The following SATB2 variants were observed in gnomAD, a reference collection of about 807,000 sequenced individuals.
SATB2 encodes the protein SATB homeobox 2.
SATB2 carries 1 observed loss-of-function variant against 73.4 expected under a neutral mutation model. That is an observed-to-expected ratio of 0.01 (90% CI 0.00 to 0.06). The LOEUF (loss-of-function observed/expected upper bound fraction) is 0.06. SATB2 is among the 10% of genes least tolerant of loss of function. The pLI, the probability that SATB2 is intolerant of heterozygous loss-of-function variation, is 1.00. For synonymous variants in SATB2, 397 were observed against 367.0 expected, an observed-to-expected ratio of 1.08 and a Z score of -0.93; for missense variants, 459 against 945.8, an observed-to-expected ratio of 0.49 and a Z score of 6.75.
At chr2:199,368,852 A>G in intron 5 of SATB2, 145 bp from the exon 6 acceptor site, 2 of 583,914 alleles carry the variant, frequency 3.4e-6, no homozygotes, top group South Asian at 2.1e-5. Context: ...TATTAACATC[A>G]AACACGATTA....
At chr2:199,418,404 A>G (rs1389642287) in intron 3 of SATB2, among the ~76,000 whole-genome samples, 1 of 152,164 alleles carries the variant, frequency 6.6e-6, no homozygotes, top group Non-Finnish European at 1.5e-5. Context: ...TTGCTTATCC[A>G]CTTCTTAGGG....
chr2:199,437,164 T>A (rs560813567), intron 2 of SATB2, among the ~76,000 whole-genome samples: 107 of 152,338 alleles, frequency 7.0e-4, no homozygotes, highest in Non-Finnish European at 1.1e-3. Context: ...CATTTTCAGA[T>A]GATCTAGTAG....
chr2:199,378,904 C>T (rs1380205985), intron 5 of SATB2, among the ~76,000 whole-genome samples: 1 of 152,122 alleles, frequency 6.6e-6, no homozygotes, highest in Non-Finnish European at 1.5e-5. Context: ...TGAATCCAGC[C>T]CTGATTCCAG....
chr2:199,291,769 C>A (rs573396998), intron 10 of SATB2, among the ~76,000 whole-genome samples: 1 of 151,952 alleles, frequency 6.6e-6, no homozygotes, highest in South Asian at 2.1e-4. Context: ...AAAAATTAGC[C>A]AGGCATGGTG....
chr2:199,339,855 C>T (rs1688453014), intron 7 of SATB2, among the ~76,000 whole-genome samples: 1 of 152,216 alleles, frequency 6.6e-6, no homozygotes, highest in African/African-American at 2.4e-5. Context: ...AAAAAACTGA[C>T]TGGTAACACA....
intron 7 of SATB2, among the ~76,000 whole-genome samples, chr2:199,335,869 T>C (rs1688321381): frequency 6.6e-6 from 1 of 152,180 alleles, no homozygotes; most frequent in South Asian, 2.1e-4. Flanking sequence ...GATTTGTTTT[T>C]TGTGGATACA....
chr2:199,328,133 C>A (rs1470151067), intron 8 of SATB2, among the ~76,000 whole-genome samples: 1 of 152,164 alleles, frequency 6.6e-6, no homozygotes, highest in Non-Finnish European at 1.5e-5. Context: ...CCTTCCTACC[C>A]CTCACCTACC....
chr2:199,443,095 C>T lies in SATB2; in HGVS notation c.170-9581G>A, dbSNP rs1691868375. Among the ~76,000 whole-genome samples, 3 of 148,862 alleles carry T rather than the reference C, an allele frequency of 2.0e-5. No homozygotes were observed. In the South Asian group the frequency reaches 6.3e-4, roughly 31 times the overall value. On this transcript the variant is annotated intron_variant, in intron 2 of 10. Coordinates refer to ENST00000417098, the MANE Select transcript of SATB2 (RefSeq NM_001172509.2). ...ATTTAAGCAGAGATCGATTCACCTC[C>T]CCACCTTATTCTCATCATCCTCTCT...
intron 2 of SATB2, among the ~76,000 whole-genome samples, chr2:199,444,178 G>T (rs1319830972): frequency 6.6e-6 from 1 of 151,670 alleles, no homozygotes; most frequent in Non-Finnish European, 1.5e-5. Flanking sequence ...TTTTAAAAAT[G>T]AAAGAGACTA....
At chr2:199,278,728 G>C (rs776196474) in intron 10 of SATB2, among the ~76,000 whole-genome samples, 1 of 152,106 alleles carries the variant, frequency 6.6e-6, no homozygotes, top group Admixed American at 6.6e-5. Flanking sequence ...GATTTTTATC[G>C]GAGTATTACA....
chr2:199,284,056 G>A (rs1178902477), intron 10 of SATB2, among the ~76,000 whole-genome samples: 4 of 152,120 alleles, frequency 2.6e-5, no homozygotes, highest in Non-Finnish European at 5.9e-5. Context: ...ATCACTCCAG[G>A]AAAAATATCT....
intron 7 of SATB2, among the ~76,000 whole-genome samples, chr2:199,336,406 C>A (rs1337398205): frequency 6.6e-6 from 1 of 152,092 alleles, no homozygotes; most frequent in Non-Finnish European, 1.5e-5. Context: ...CAACTGTTGG[C>A]AACCTGCCCC....
At chr2:199,393,928 T>A (rs1315103633) in intron 3 of SATB2, among the ~76,000 whole-genome samples, 3 of 152,188 alleles carry the variant, frequency 2.0e-5, no homozygotes, top group South Asian at 4.1e-4. Context: ...TTAAACTGAA[T>A]ATCATCCAGC....
At chr2:199,310,288 CG>C (rs1687561053) in intron 9 of SATB2, among the ~76,000 whole-genome samples, 1 of 152,142 alleles carries the variant, frequency 6.6e-6, no homozygotes. Flanking sequence ...GCCACATTTG[CG>C]CAGACCTGAT....
In SATB2 at chr2:199,455,632, A is replaced by G. The variant is rs1440943475; in HGVS notation, c.169+237T>C. 6.6e-6 allele frequency among the ~76,000 whole-genome samples: 1 copy of G among 152,256 alleles called. No homozygotes were observed. Among genetic ancestry groups the G allele is most frequent in the Admixed American group, 6.5e-5 (1 of 15,290 alleles). ...TGTGACATAAACCTGCCAACACCTC[A>G]GCACACAGTGGCAAAATGCCCAAAA... On this transcript the variant is annotated intron_variant, in intron 2 of 10. Coordinates refer to ENST00000417098, the MANE Select transcript of SATB2 (RefSeq NM_001172509.2). The surrounding 1 kb of genome is among the most constrained non-coding windows in gnomAD (Gnocchi z 4.1).
intron 10 of SATB2, among the ~76,000 whole-genome samples, chr2:199,296,134 A>G (rs993580805): frequency 6.6e-6 from 1 of 152,218 alleles, no homozygotes; most frequent in East Asian, 1.9e-4. Flanking sequence ...ACTATCAGTC[A>G]TAAGAAAATC....
intron 3 of SATB2, among the ~76,000 whole-genome samples, chr2:199,419,536 TA>T (rs1430751993): frequency 6.6e-6 from 1 of 152,212 alleles, no homozygotes; most frequent in Non-Finnish European, 1.5e-5. Context: ...GCATGTTTTT[TA>T]AAAATTTTAG....
At chr2:199,442,910 T>C (rs1178532569) in intron 2 of SATB2, among the ~76,000 whole-genome samples, 1 of 152,286 alleles carries the variant, frequency 6.6e-6, no homozygotes, top group South Asian at 2.1e-4. Context: ...AATGCATATA[T>C]GTATAAGTCC....
At chr2:199,404,944 T>C (rs1690587139) in intron 3 of SATB2, among the ~76,000 whole-genome samples, 1 of 152,224 alleles carries the variant, frequency 6.6e-6, no homozygotes, top group South Asian at 2.1e-4. Context: ...TAAAATCTGT[T>C]AGCAGCTGAA....
Sources: gnomAD v4.1 joint callset for allele counts (sites outside exome capture counted in the v4.1 genomes callset) on GRCh38, gnomAD v4.1.1 for gene constraint, Gnocchi (gnomAD v3.1) non-coding constraint, MANE v1.5 for transcripts, NCBI Gene and HGNC (gene_info 2026-07-23, HGNC 2026-07-21) for gene names.